The following LYPD6 variants were observed in gnomAD, a reference collection of about 807,000 sequenced individuals.
The protein encoded by LYPD6 is ly6/PLAUR domain-containing protein 6.
A neutral mutation model predicts 22.7 loss-of-function variants in LYPD6; 15 were observed. The observed-to-expected ratio is 0.66, with a 90% CI of 0.44 to 1.02. The LOEUF is 1.02. Ranked by LOEUF, LYPD6 falls within the 50% of genes least tolerant of loss-of-function variation. The pLI is 0.00. For synonymous variants in LYPD6, 72 were observed against 77.5 expected, an observed-to-expected ratio of 0.93 and a Z score of 0.37; for missense variants, 189 against 208.4, an observed-to-expected ratio of 0.91 and a Z score of 0.57.
intron 1 of LYPD6, among the ~76,000 whole-genome samples, chr2:149,346,698 TA>T (rs1681262353): frequency 6.6e-6 from 1 of 152,162 alleles, no homozygotes; most frequent in African/African-American, 2.4e-5. Context: ...TATTAAAAAC[TA>T]GTTTTGTTTT....
At position 149,420,334 on chromosome 2, in the gene LYPD6, T is replaced by C. The variant is rs374067698; in HGVS notation, c.-71-17304T>C. 9.8e-4 allele frequency among the ~76,000 whole-genome samples: 150 copies of C among 152,334 alleles called. 1 individual carries two copies. Among genetic ancestry groups the C allele is most frequent in the African/African-American group, 3.4e-3 (143 of 41,586 alleles). On this transcript the variant is annotated intron_variant, in intron 1 of 4. Coordinates refer to ENST00000334166, the MANE Select transcript of LYPD6 (RefSeq NM_194317.5). Reference sequence around the variant, plus strand: ...TTTGCAGTCTGCAAAAGCTGTTCTTTTCTGGTTGCTCCATGCTGCCTCTGA... The same window carrying C: ...TTTGCAGTCTGCAAAAGCTGTTCTTCTCTGGTTGCTCCATGCTGCCTCTGA...
intron 1 of LYPD6, among the ~76,000 whole-genome samples, chr2:149,391,677 G>A (rs1168142594): frequency 6.6e-6 from 1 of 152,178 alleles, no homozygotes; most frequent in Non-Finnish European, 1.5e-5. Context: ...GGCCACTCAA[G>A]GGTATGTGAT....
intron 1 of LYPD6, among the ~76,000 whole-genome samples, chr2:149,435,055 A>T (rs1683399371): frequency 1.3e-5 from 2 of 152,218 alleles, no homozygotes; most frequent in African/African-American, 4.8e-5. Flanking sequence ...ATTAAGGCTG[A>T]GGCCATAAAG....
chr2:149,390,953 T>C (rs913554732), intron 1 of LYPD6, among the ~76,000 whole-genome samples: 3 of 152,216 alleles, frequency 2.0e-5, no homozygotes, highest in Non-Finnish European at 2.9e-5. Flanking sequence ...ATGGTGAGCA[T>C]TGGTATCCCC....
chr2:149,437,833 C>A lies in LYPD6; in HGVS notation c.118+7C>A, dbSNP rs1311133485. ...ATCTACCTCCATCCTTCAAGTAAGA[C>A]TGTTCTCTTTGCTGCAGAAATATCA... On this transcript the variant is annotated splice_region_variant and intron_variant, in intron 2 of 4. Transcript: ENST00000334166. 1.2e-6 allele frequency: 2 copies of A among 1,613,462 alleles called. No homozygotes were observed. Among genetic ancestry groups the A allele is most frequent in the East Asian group, 4.5e-5 (2 of 44,872 alleles).
chr2:149,336,186 T>G (rs866442406), intron 1 of LYPD6, among the ~76,000 whole-genome samples: 1 of 152,172 alleles, frequency 6.6e-6, no homozygotes, highest in African/African-American at 2.4e-5. Context: ...AGTGGACAAA[T>G]AGCCTCTTCC....
rs541360747 is a variant in LYPD6 at position 149,376,392 on chromosome 2, A to AT, written c.-72+45680dup. Among the ~76,000 whole-genome samples the AT allele has an allele frequency of 2.3e-4, 35 of 149,410 alleles. No homozygotes were observed. The South Asian group carries it at 3.4e-3, about 14-fold the overall frequency. ...ACCCACGCCATTCTGAGCCCAGAAC[A>AT]TTTTTTTTTTCCATTGCCTTCTTAA... On this transcript the variant is annotated intron_variant, in intron 1 of 4. Transcript: ENST00000334166.
chr2:149,403,873 G>A (rs190043740), intron 1 of LYPD6, among the ~76,000 whole-genome samples: 2,872 of 152,192 alleles, frequency 0.019, 77 homozygotes, highest in African/African-American at 0.066. Context: ...TAGGTCTAAC[G>A]TTTAAGTCTC....
intron 1 of LYPD6, among the ~76,000 whole-genome samples, chr2:149,374,502 C>G (rs1681874469): frequency 6.6e-6 from 1 of 152,162 alleles, no homozygotes; most frequent in Non-Finnish European, 1.5e-5. Context: ...TAGAGCCCAG[C>G]AAGTAGTAGG....
chr2:149,431,683 G>A (rs966594039), intron 1 of LYPD6, among the ~76,000 whole-genome samples: 14 of 152,140 alleles, frequency 9.2e-5, no homozygotes, highest in Non-Finnish European at 1.9e-4. Flanking sequence ...TTATTTTACT[G>A]TGCATTGTAT....
chr2:149,336,844 T>G (rs1288457153), intron 1 of LYPD6, among the ~76,000 whole-genome samples: 2 of 152,088 alleles, frequency 1.3e-5, no homozygotes, highest in Non-Finnish European at 2.9e-5. Flanking sequence ...TTTCTATGTC[T>G]TCTGAAAATC....
Position 149,471,977 on chromosome 2 carries a change from A to G in LYPD6, c.*1127A>G, listed in dbSNP as rs1013852286. On this transcript the variant is annotated 3_prime_UTR_variant, in exon 5 of 5. Coordinates refer to ENST00000334166, the MANE Select transcript of LYPD6 (RefSeq NM_194317.5). ...AGGTGATTGCAAGACTAACAAGGAG[A>G]CTCAATGGGAAGTTTTTCTTTCTTT... 1 of 152,532 alleles carries G rather than the reference A, an allele frequency of 6.6e-6. No homozygotes were observed. The highest frequency in any genetic ancestry group is 1.5e-5 in the Non-Finnish European group (1 of 68,028). The allele number at this position is 152,532 out of a possible 1,614,324, so 9.4% of individuals were successfully genotyped here.
intron 1 of LYPD6, among the ~76,000 whole-genome samples, chr2:149,429,876 C>G (rs1354062021): frequency 6.6e-6 from 1 of 152,164 alleles, no homozygotes; most frequent in East Asian, 1.9e-4. Context: ...ATGGCAGTCT[C>G]AAGGCACTTA....
At chr2:149,418,662 G>T (rs1683015850) in intron 1 of LYPD6, among the ~76,000 whole-genome samples, 2 of 152,202 alleles carry the variant, frequency 1.3e-5, no homozygotes, top group Non-Finnish European at 2.9e-5. Flanking sequence ...GGAGAAGCTA[G>T]CAGATTCAGA....
chr2:149,420,997 A>G (rs1381717634), intron 1 of LYPD6, among the ~76,000 whole-genome samples: 1 of 152,178 alleles, frequency 6.6e-6, no homozygotes, highest in Non-Finnish European at 1.5e-5. Flanking sequence ...TAGCAGTGAA[A>G]TGGTAATGGG....
intron 1 of LYPD6, among the ~76,000 whole-genome samples, chr2:149,428,328 T>G (rs991547017): frequency 1.3e-5 from 2 of 152,012 alleles, no homozygotes; most frequent in African/African-American, 4.8e-5. Flanking sequence ...CAAAGGGAGA[T>G]TTATTGGATG....
At chr2:149,342,792 G>T (rs763256020) in intron 1 of LYPD6, among the ~76,000 whole-genome samples, 26 of 152,168 alleles carry the variant, frequency 1.7e-4, no homozygotes, top group Non-Finnish European at 2.6e-4. Context: ...CACCAGGTGA[G>T]AGGTGGCCAG....
chr2:149,348,537 G>A (rs1055338212), intron 1 of LYPD6, among the ~76,000 whole-genome samples: 2 of 152,232 alleles, frequency 1.3e-5, no homozygotes, highest in Non-Finnish European at 2.9e-5. Context: ...AAATGCAAAA[G>A]TGCTGTGATG....
intron 1 of LYPD6, among the ~76,000 whole-genome samples, chr2:149,380,134 G>A (rs1047021703): frequency 1.3e-5 from 2 of 152,220 alleles, no homozygotes; most frequent in Non-Finnish European, 2.9e-5. Context: ...GCAGGAGCTA[G>A]TTGGCAAGTG....
Sources: allele counts gnomAD v4.1 joint callset (sites outside exome capture counted in the v4.1 genomes callset), GRCh38; gene constraint gnomAD v4.1.1; transcripts MANE v1.5; gene names NCBI Gene and HGNC (gene_info 2026-07-23, HGNC 2026-07-21).